The following ITPR2 variants were observed in gnomAD, a reference collection of about 807,000 sequenced individuals.
ITPR2 encodes the protein inositol 1,4,5-trisphosphate receptor type 2.
ITPR2 carries 207 observed loss-of-function variants against 317.1 expected under a neutral mutation model. That is an observed-to-expected ratio of 0.65 (90% confidence interval 0.58 to 0.73). The LOEUF (loss-of-function observed/expected upper bound fraction) is 0.73, where lower values mean the gene tolerates loss of function less well. Among genes scored for constraint, ITPR2 ranks in the 30% least tolerant of loss-of-function variants. The pLI, the probability that ITPR2 is intolerant of heterozygous loss-of-function variation, is 0.00. For missense variants in ITPR2, 2,613 were observed against 3,284.0 expected, an observed-to-expected ratio of 0.80 and a Z score of 4.99; for synonymous variants, 1,156 against 1,149.1, an observed-to-expected ratio of 1.01 and a Z score of -0.12.
At chr12:26,425,656 AC>A (rs1441286838) in intron 49 of ITPR2, among the ~76,000 whole-genome samples, 2 of 142,008 alleles carry the variant, frequency 1.4e-5, no homozygotes, top group Admixed American at 7.4e-5. Flanking sequence ...ACAGAGTGAG[AC>A]CCTGTCTAAA....
chr12:26,642,724 T>G (rs1416659749), intron 21 of ITPR2, among the ~76,000 whole-genome samples: 4 of 152,194 alleles, frequency 2.6e-5, no homozygotes, highest in Non-Finnish European at 5.9e-5. Flanking sequence ...CCTCAGCATC[T>G]GAAAAACAGC....
Position 26,340,242 on chromosome 12 carries a change from G to C in ITPR2, c.7944C>G (p.Ser2648Arg). ...TGGTCGATTCCAACTTCTCCTGAAG[G>C]CTCCGAATTTCATTTTGCTCACTGT... ...EGDSEQNEIRSLQEKLESTMS... is the reference protein window; with the variant it reads ...EGDSEQNEIRRLQEKLESTMS... Residue 2648 changes from serine (S) to arginine (R), a missense_variant, in exon 56 of 57, where the codon AGC becomes AGG. By Grantham distance (110) the Ser-to-Arg change is moderately radical. This residue lies in a region of ITPR2 where 119 missense variants were observed against 144.3 expected (regional missense o/e 0.82). Coordinates refer to ENST00000381340, the MANE Select transcript of ITPR2 (RefSeq NM_002223.4). The C allele has an allele frequency of 6.2e-7, 1 of 1,611,724 alleles. No homozygotes were observed. Among genetic ancestry groups the C allele is most frequent in the Non-Finnish European group, 8.5e-7 (1 of 1,179,022 alleles).
At chr12:26,796,009 G>C (rs1364991171) in intron 1 of ITPR2, among the ~76,000 whole-genome samples, 2 of 138,786 alleles carry the variant, frequency 1.4e-5, no homozygotes, top group South Asian at 5.4e-4. Flanking sequence ...AGGGGGGGGG[G>C]GCAACACACA....
intron 37 of ITPR2, among the ~76,000 whole-genome samples, chr12:26,503,011 T>C (rs1448574928): frequency 6.6e-6 from 1 of 152,154 alleles, no homozygotes; most frequent in African/African-American, 2.4e-5. Flanking sequence ...TATATTGGCC[T>C]TCCTGTTTCT....
At position 26,621,234 on chromosome 12, in the gene ITPR2, G is replaced by A. The variant is rs758250522; in HGVS notation, c.3351C>T (p.Asp1117=). 1.2e-6 allele frequency: 2 copies of A among 1,613,596 alleles called. No individual in the cohort carries two copies. Among genetic ancestry groups the A allele is most frequent in the East Asian group, 4.5e-5 (2 of 44,840 alleles). ...ACTTTTCTACTGTCAGTCGAAGCTG[G>A]TCTAGATCTGCCTTGATTTGCTTGT... The part of the protein sequence containing the change: ...DNYKQIKADL[D]QLRLTVEKSE... Residue 1117 remains aspartate (D), a synonymous_variant, in exon 26 of 57, where the codon GAC becomes GAT. Transcript: ENST00000381340.
At chr12:26,449,992 T>C (rs1183216927) in intron 45 of ITPR2, among the ~76,000 whole-genome samples, 1 of 151,926 alleles carries the variant, frequency 6.6e-6, no homozygotes, top group African/African-American at 2.4e-5. Context: ...ATGACTAGAG[T>C]CCGTACAAGA....
At chr12:26,791,383 AAAAG>A (rs1175885691) in intron 1 of ITPR2, among the ~76,000 whole-genome samples, 3 of 152,172 alleles carry the variant, frequency 2.0e-5, no homozygotes, top group Non-Finnish European at 4.4e-5. Context: ...TTAAAAAAAA[AAAAG>A]AAGAAGAGGA....
rs770892494 is a variant in ITPR2, at chr12:26,628,033, C to T, written c.3064G>A (p.Ala1022Thr). ...AGTAAATACTGTCACAAAAAGATACCTGATGGTAGTAAAGTGTCTGGAGAT... is the reference window on the plus strand; with the variant it reads ...AGTAAATACTGTCACAAAAAGATACTTGATGGTAGTAAAGTGTCTGGAGAT... ...SGSPDTLLPS[A>T]IVPDIDEIAA... Residue 1022 changes from alanine to threonine, a missense_variant and splice_region_variant, in exon 23 of 57, where the codon GCT becomes ACT. By Grantham distance (58) the Ala-to-Thr change is moderately conservative (BLOSUM62 0). Transcript: ENST00000381340. 2.5e-6 allele frequency: 4 copies of T among 1,603,088 alleles called. No homozygotes were observed. The highest frequency in any genetic ancestry group is 1.3e-5 in the African/African-American group (1 of 74,198).
Position 26,400,067 on chromosome 12 carries a change from T to C in ITPR2, c.7530+61A>G, listed in dbSNP as rs1029183160. On this transcript the variant is annotated intron_variant, in intron 53 of 56. Transcript: ENST00000381340. Reference sequence around the variant, plus strand: ...AAAACCAAAACTAAATTATAAATGCTGTGAAGAAAGGTTTAAAAAAAAGAT... The same window carrying C: ...AAAACCAAAACTAAATTATAAATGCCGTGAAGAAAGGTTTAAAAAAAAGAT... 4 of 1,516,126 alleles carry C rather than the reference T, an allele frequency of 2.6e-6. No individual in the cohort carries two copies. The African/African-American group carries it at 5.6e-5, about 21-fold the overall frequency. 93.9% of individuals were successfully genotyped at this position (1,516,126 alleles called of 1,614,324 possible). A position where few individuals can be genotyped will look rare whatever the true frequency, so the allele number is the denominator to read the frequency against.
rs775756580 is a variant in ITPR2, at chr12:26,424,586, G to GTTTTTTTTTTTTTTTTTTTTTTTTTT, written c.6945+3326_6945+3327insAAAAAAAAAAAAAAAAAAAAAAAAAA. Reference sequence around the variant, plus strand: ...TTTTTGGTTTTTGTTTTCGTTTTGTGTTTTTTTTTTTTTTTTTTTTTGAGA... The same window carrying GTTTTTTTTTTTTTTTTTTTTTTTTTT: ...TTTTTGGTTTTTGTTTTCGTTTTGTGTTTTTTTTTTTTTTTTTTTTTTTTTTTTTTTTTTTTTTTTTTTTTTTGAGA... On this transcript the variant is annotated intron_variant, in intron 49 of 56. Transcript: ENST00000381340. Among the ~76,000 whole-genome samples, 2 of 88,706 alleles carry GTTTTTTTTTTTTTTTTTTTTTTTTTT rather than the reference G, an allele frequency of 2.3e-5. 1 individual carries two copies. The allele number at this position is 88,706 out of a possible 152,430, so 58.2% of individuals were successfully genotyped here. A position where few individuals can be genotyped will look rare whatever the true frequency, so the allele number is the denominator to read the frequency against.
chr12:26,358,927 T>C (rs530538511), intron 55 of ITPR2, among the ~76,000 whole-genome samples: 3 of 152,328 alleles, frequency 2.0e-5, no homozygotes, highest in Admixed American at 6.5e-5. Flanking sequence ...ACTTACTCCA[T>C]AGAGGGCTCT....
intron 32 of ITPR2, among the ~76,000 whole-genome samples, chr12:26,583,090 A>G (rs1467965381): frequency 2.6e-5 from 4 of 152,136 alleles, no homozygotes; most frequent in Non-Finnish European, 5.9e-5. Context: ...AAAATCCCTC[A>G]GTACTCTCCT....
chr12:26,471,570 ATTAT>A (rs1315882576), intron 45 of ITPR2, among the ~76,000 whole-genome samples: 1 of 152,182 alleles, frequency 6.6e-6, no homozygotes, highest in Non-Finnish European at 1.5e-5. Flanking sequence ...TACAAGAAGC[ATTAT>A]TTGTTTCTTG....
At chr12:26,790,132 T>G (rs770317895) in intron 2 of ITPR2, 25 bp downstream of exon 2, 3 of 1,523,634 alleles carry the variant, frequency 2.0e-6, no homozygotes, top group Non-Finnish European at 2.7e-6. Flanking sequence ...GCTCACACAA[T>G]TAAAAAAATA....
chr12:26,336,525 A>T lies in ITPR2; in HGVS notation c.*2872T>A, dbSNP rs1828892996. 6.6e-6 allele frequency: 1 copy of T among 152,226 alleles called. No individual in the cohort carries two copies. The allele number at this position is 152,226 out of a possible 1,614,324, so 9.4% of individuals were successfully genotyped here. A position where few individuals can be genotyped will look rare whatever the true frequency, so the allele number is the denominator to read the frequency against. ...AGAAAATATGATAAATTTTGCATAC[A>T]TACAATTTATTTATTTATATTATAG... On this transcript the variant is annotated 3_prime_UTR_variant, in exon 57 of 57. Transcript: ENST00000381340.
At chr12:26,428,179 G>A (rs1233931737) in intron 48 of ITPR2, 91 bp from the exon 49 acceptor site, 2 of 917,928 alleles carry the variant, frequency 2.2e-6, no homozygotes, top group Admixed American at 6.7e-5. Flanking sequence ...GTATCATTAA[G>A]TCAAAGCCAT....
chr12:26,481,293 C>T (rs1381959739), intron 42 of ITPR2, 52 bp from the exon 43 acceptor site: 6 of 1,026,746 alleles, frequency 5.8e-6, no homozygotes, highest in Admixed American at 1.9e-5. Flanking sequence ...CAGAATAGCA[C>T]TAGAACTAAC....
Position 26,427,914 on chromosome 12 carries a change from T to C in ITPR2, c.6944A>G (p.Asn2315Ser), listed in dbSNP as rs1941109840. Reference protein sequence around the residue: ...GPTLILLGAANLCNKIVFLVS... With the variant: ...GPTLILLGAASLCNKIVFLVS... Reference sequence around the variant, plus strand: ...TACAAAGCTAAGTAAAGTACTTACATTAGCTGCACCAAGAAGTATTAATGT... The same window carrying C: ...TACAAAGCTAAGTAAAGTACTTACACTAGCTGCACCAAGAAGTATTAATGT... The change falls in exon 49 of 57, where the codon AAT becomes AGT. Residue 2315 changes from asparagine (N) to serine (S), a missense_variant and splice_region_variant. Transcript: ENST00000381340. The C allele has an allele frequency of 1.2e-5, 18 of 1,562,378 alleles. No homozygotes were observed. The highest frequency in any genetic ancestry group is 1.6e-5 in the Non-Finnish European group (18 of 1,156,090).
chr12:26,486,146 T>C lies in ITPR2; in HGVS notation c.5769A>G (p.Arg1923=), dbSNP rs377583838. 1 of 1,614,096 alleles carries C rather than the reference T, an allele frequency of 6.2e-7. No homozygotes were observed. The highest frequency in any genetic ancestry group is 8.5e-7 in the Non-Finnish European group (1 of 1,179,964). ...GATTCTCACACAGTAACTGAAGAAA[T>C]CTCAGTATTGGCTGCATGATGGCAA... is the stretch of plus-strand genomic sequence containing the variant. ...PAIAIMQPIL[R]FLQLLCENHN... The change falls in exon 41 of 57, where the codon AGA becomes AGG. Residue 1923 remains arginine, a synonymous_variant. Transcript: ENST00000381340.
Sources: allele counts gnomAD v4.1 joint callset (sites outside exome capture counted in the v4.1 genomes callset), GRCh38; gene constraint gnomAD v4.1.1; regional missense constraint gnomAD v4.1.1; transcripts MANE v1.5; gene names NCBI Gene and HGNC (gene_info 2026-07-23, HGNC 2026-07-21).